The following DLGAP2 variants were observed in gnomAD, a reference collection of about 807,000 sequenced individuals.
The protein encoded by DLGAP2 is DLG associated protein 2, also known as disks large-associated protein 2.
In DLGAP2, 26 loss-of-function variants were observed where a neutral mutation model predicts 100.3. The ratio of observed to expected loss-of-function variants is 0.26; its 90% CI spans 0.19 to 0.36. The LOEUF (loss-of-function observed/expected upper bound fraction) is 0.36, where lower values mean the gene tolerates loss of function less well. DLGAP2 is among the 10% of genes least tolerant of loss of function. The probability of loss-of-function intolerance (pLI) is 1.00; values close to 1 mark genes in which losing one functional copy is unlikely to be tolerated. For synonymous variants in DLGAP2, 886 were observed against 630.1 expected (o/e 1.41, Z -6.08); for missense variants, 1,858 against 1,453.2 (o/e 1.28, Z -4.53).
chr8:1,359,602 T>TG (rs1362026110), intron 3 of DLGAP2, among the ~76,000 whole-genome samples: 1 of 152,204 alleles, frequency 6.6e-6, no homozygotes, highest in Non-Finnish European at 1.5e-5. Context: ...GTGGAGTCCC[T>TG]GGTGCAGAGG....
At chr8:1,677,253 A>C (rs1277286393) in intron 11 of DLGAP2, among the ~76,000 whole-genome samples, 1 of 151,984 alleles carries the variant, frequency 6.6e-6, no homozygotes, top group East Asian at 1.9e-4. Flanking sequence ...CCCTATGGAG[A>C]TTTTGATTGC....
In DLGAP2 at chr8:1,344,260, C is replaced by A. The variant is rs75256992; in HGVS notation, c.106+85377C>A. 1.0e-2 allele frequency among the ~76,000 whole-genome samples: 1,359 copies of A among 136,492 alleles called. 24 individuals are homozygous for A. The highest frequency in any genetic ancestry group is 0.036 in the African/African-American group (1,280 of 35,932). 89.5% of individuals were successfully genotyped at this position (136,492 alleles called of 152,430 possible). On this transcript the variant is annotated intron_variant, in intron 3 of 14. Coordinates refer to ENST00000637795, the MANE Select transcript of DLGAP2 (RefSeq NM_001346810.2). Reference sequence around the variant, plus strand: ...TAGCTGCACACTTCGCCCAGTCTCCCCTCGAGCTACGTGCCCAGGCATTGT... The same window carrying A: ...TAGCTGCACACTTCGCCCAGTCTCCACTCGAGCTACGTGCCCAGGCATTGT...
intron 2 of DLGAP2, among the ~76,000 whole-genome samples, chr8:1,258,032 C>T (rs1317260600): frequency 2.0e-5 from 3 of 152,238 alleles, no homozygotes; most frequent in African/African-American, 7.2e-5. Context: ...GTGTGAGGAT[C>T]ACCTGTAAAT....
chr8:1,094,631 G>A (rs1804305086), intron 2 of DLGAP2, among the ~76,000 whole-genome samples: 1 of 152,182 alleles, frequency 6.6e-6, no homozygotes, highest in Non-Finnish European at 1.5e-5. Context: ...ACAATATGAG[G>A]CTTCTTTAGG....
Position 897,877 on chromosome 8 carries a change from A to T in DLGAP2, c.19-10035A>T, listed in dbSNP as rs144719341. On this transcript the variant is annotated intron_variant, in intron 1 of 14. Transcript: ENST00000637795. ...CCCAGGGCTGTGAGTTTCTCTGGGG[A>T]CCAGGCTTCCTCCCACATCCCAAAG... 1.8e-3 allele frequency among the ~76,000 whole-genome samples: 272 copies of T among 152,056 alleles called. 2 individuals carry two copies. The highest frequency in any genetic ancestry group is 6.1e-3 in the African/African-American group (254 of 41,458).
intron 2 of DLGAP2, among the ~76,000 whole-genome samples, chr8:945,396 T>C (rs1799293608): frequency 6.6e-6 from 1 of 152,174 alleles, no homozygotes; most frequent in South Asian, 2.1e-4. Context: ...GAAACTGACA[T>C]GTTGTTTGAC....
intron 3 of DLGAP2, among the ~76,000 whole-genome samples, chr8:1,320,047 C>A (rs1342950640): frequency 6.6e-6 from 1 of 151,966 alleles, no homozygotes; most frequent in African/African-American, 2.4e-5. Flanking sequence ...GGCCTCTGGG[C>A]CCAGGGAGTT....
At chr8:1,553,589 G>C (rs1172582601) in intron 5 of DLGAP2, among the ~76,000 whole-genome samples, 1 of 152,058 alleles carries the variant, frequency 6.6e-6, no homozygotes. Flanking sequence ...GAGGGGAGGG[G>C]GTGCGATGAA....
At chr8:1,512,524 G>C (rs547818826) in intron 4 of DLGAP2, among the ~76,000 whole-genome samples, 26 of 152,156 alleles carry the variant, frequency 1.7e-4, no homozygotes, top group African/African-American at 6.0e-4. Context: ...AAGACCCTCG[G>C]GTTGCACGTG....
intron 2 of DLGAP2, among the ~76,000 whole-genome samples, chr8:1,183,934 C>T (rs80038430): frequency 6.6e-5 from 10 of 152,186 alleles, no homozygotes; most frequent in African/African-American, 1.9e-4. Flanking sequence ...TTAATCATTG[C>T]GTGATTATTA....
At chr8:884,047 G>A (rs1266698595) in intron 1 of DLGAP2, among the ~76,000 whole-genome samples, 3 of 152,142 alleles carry the variant, frequency 2.0e-5, no homozygotes, top group Non-Finnish European at 4.4e-5. Flanking sequence ...TCATTGATGG[G>A]CATTTGTGTT....
At chr8:923,842 G>A (rs1055175312) in intron 2 of DLGAP2, among the ~76,000 whole-genome samples, 1 of 152,174 alleles carries the variant, frequency 6.6e-6, no homozygotes, top group Non-Finnish European at 1.5e-5. Context: ...ACTGCCAAAG[G>A]TCTAAAGTTT....
chr8:1,641,024 C>A (rs557574635), intron 8 of DLGAP2, among the ~76,000 whole-genome samples: 2 of 152,196 alleles, frequency 1.3e-5, no homozygotes, highest in East Asian at 3.9e-4. Flanking sequence ...CCCAAGCTCT[C>A]CTGGCTGTGG....
chr8:1,370,142 C>T (rs1056795623), intron 3 of DLGAP2, among the ~76,000 whole-genome samples: 1 of 152,178 alleles, frequency 6.6e-6, no homozygotes, highest in Non-Finnish European at 1.5e-5. Context: ...GAAAGGTCTT[C>T]CTCGAATTGA....
At chr8:1,346,035 G>T (rs565447128) in intron 3 of DLGAP2, among the ~76,000 whole-genome samples, 1 of 152,344 alleles carries the variant, frequency 6.6e-6, no homozygotes, top group Admixed American at 6.5e-5. Context: ...CAGGCTCAAT[G>T]CCCACGCCAT....
chr8:751,870 G>A (rs1052292365), intron 1 of DLGAP2, among the ~76,000 whole-genome samples: 2 of 151,768 alleles, frequency 1.3e-5, no homozygotes, highest in African/African-American at 4.8e-5. Flanking sequence ...ACACTTCATA[G>A]TAAGTCCTTA....
In DLGAP2 at chr8:792,441, C is replaced by A. The variant is rs545585756; in HGVS notation, c.18+54616C>A. On this transcript the variant is annotated intron_variant, in intron 1 of 14. Transcript: ENST00000637795. ...ACAGTGCTGAATACTAAAATTGATC[C>A]TGGATGTCCTTTCATGTTTCACCAT... Among the ~76,000 whole-genome samples, 10 of 152,260 alleles carry A rather than the reference C, an allele frequency of 6.6e-5. No homozygotes were observed. The South Asian group carries it at 2.1e-3, about 32-fold the overall frequency.
At chr8:1,060,227 T>C (rs1333569993) in intron 2 of DLGAP2, among the ~76,000 whole-genome samples, 2 of 152,166 alleles carry the variant, frequency 1.3e-5, no homozygotes, top group Non-Finnish European at 2.9e-5. Context: ...AACAGAAATG[T>C]ACTGTCTCGC....
In DLGAP2 at chr8:1,196,631, A is replaced by G. The variant is rs534401561; in HGVS notation, c.74-62220A>G. Reference sequence around the variant, plus strand: ...GAGGCATCTGCAGGTCGAGGGGGGTATCTCTGAGATGAAAAGAGTAATTTG... The same window carrying G: ...GAGGCATCTGCAGGTCGAGGGGGGTGTCTCTGAGATGAAAAGAGTAATTTG... On this transcript the variant is annotated intron_variant, in intron 2 of 14. Coordinates refer to ENST00000637795, the MANE Select transcript of DLGAP2 (RefSeq NM_001346810.2). Among the ~76,000 whole-genome samples, 5 of 152,318 alleles carry G rather than the reference A, an allele frequency of 3.3e-5. No homozygotes were observed. The South Asian group carries it at 6.2e-4, about 19-fold the overall frequency.
Sources: gnomAD v4.1 joint callset for allele counts (sites outside exome capture counted in the v4.1 genomes callset) on GRCh38, gnomAD v4.1.1 for gene constraint, MANE v1.5 for transcripts, NCBI Gene and HGNC (gene_info 2026-07-23, HGNC 2026-07-21) for gene names.